KCNK2: variants seen among roughly 807,000 people sequenced by gnomAD.
KCNK2 encodes potassium channel subfamily K member 2.
KCNK2 carries 21 observed loss-of-function variants against 40.5 expected under a neutral mutation model. The observed-to-expected ratio is 0.52, with a 90% CI of 0.37 to 0.75. The LOEUF is 0.75. Among genes scored for constraint, KCNK2 ranks in the 30% least tolerant of loss-of-function variants. The pLI is 0.00. For missense variants in KCNK2, 399 were observed against 531.6 expected, an observed-to-expected ratio of 0.75 and a Z score of 2.45; for synonymous variants, 191 against 202.2, an observed-to-expected ratio of 0.94 and a Z score of 0.47.
chr1:215,041,792 C>T (rs1484882059), intron 1 of KCNK2, among the ~76,000 whole-genome samples: 4 of 152,156 alleles, frequency 2.6e-5, no homozygotes, highest in African/African-American at 7.2e-5. Flanking sequence ...GCCTGTTAAA[C>T]ATCATTTTGT....
chr1:215,158,780 C>T (rs1306135915), intron 3 of KCNK2, among the ~76,000 whole-genome samples: 1 of 152,136 alleles, frequency 6.6e-6, no homozygotes, highest in East Asian at 1.9e-4. Flanking sequence ...CTGCCCTACC[C>T]CAGGCCACAT....
intron 1 of KCNK2, among the ~76,000 whole-genome samples, chr1:215,023,648 C>T (rs553487055): frequency 2.0e-5 from 3 of 152,290 alleles, no homozygotes; most frequent in South Asian, 2.1e-4. Context: ...AATGTCATTG[C>T]GTAAGCACCA....
rs1337347831 is a variant in KCNK2, at chr1:215,007,227, A to ATATATATG, written c.34+1272_34+1273insTATATATG. ...TATATATATATATATATATATATAT[A>ATATATATG]GGCTCATTTCCAATTAGTATGTAAT... On this transcript the variant is annotated intron_variant, in intron 1 of 6. Coordinates refer to the KCNK2 transcript ENST00000391895. 5.3e-4 allele frequency among the ~76,000 whole-genome samples: 51 copies of ATATATATG among 95,758 alleles called. 1 individual carries two copies. The highest frequency in any genetic ancestry group is 7.1e-4 in the African/African-American group (18 of 25,488). The allele number at this position is 95,758 out of a possible 152,430, so 62.8% of individuals were successfully genotyped here. A position where few individuals can be genotyped will look rare whatever the true frequency, so the allele number is the denominator to read the frequency against.
intron 5 of KCNK2, among the ~76,000 whole-genome samples, chr1:215,189,893 C>T (rs918371705): frequency 2.6e-5 from 4 of 151,908 alleles, no homozygotes; most frequent in Non-Finnish European, 5.9e-5. Context: ...TCAAGTAAAC[C>T]CCCCAAAATT....
intron 6 of KCNK2, among the ~76,000 whole-genome samples, chr1:215,231,211 C>T (rs909425172): frequency 6.6e-6 from 1 of 152,162 alleles, no homozygotes; most frequent in African/African-American, 2.4e-5. Flanking sequence ...ATTTAAAATA[C>T]TTTCTATGCA....
Position 215,114,994 on chromosome 1 carries a change from GGTGTGTGTGT to G in KCNK2, c.358-9614_358-9605del, listed in dbSNP as rs59948899. On this transcript the variant is annotated intron_variant, in intron 2 of 6. Coordinates refer to ENST00000444842, the MANE Select transcript of KCNK2 (RefSeq NM_001017425.3). Reference sequence around the variant, plus strand: ...ATTGTGTTAACTGGTTACTTTGTCAGGTGTGTGTGTGTGTGTGTGTGTGTGTGTGTGTGTA... The same window carrying G: ...ATTGTGTTAACTGGTTACTTTGTCAGGTGTGTGTGTGTGTGTGTGTGTGTA... Among the ~76,000 whole-genome samples the G allele has an allele frequency of 3.4e-3, 500 of 147,332 alleles. 5 individuals carry two copies. Among genetic ancestry groups the G allele is most frequent in the African/African-American group, 0.012 (453 of 39,018 alleles).
At chr1:215,127,795 A>C (rs2102585165) in intron 3 of KCNK2, among the ~76,000 whole-genome samples, 1 of 152,322 alleles carries the variant, frequency 6.6e-6, no homozygotes, top group African/African-American at 2.4e-5. Context: ...TATTTTTGAA[A>C]CTAAAAACAA....
intron 2 of KCNK2, among the ~76,000 whole-genome samples, chr1:215,116,965 C>T (rs996408839): frequency 6.6e-6 from 1 of 151,784 alleles, no homozygotes; most frequent in Non-Finnish European, 1.5e-5. Flanking sequence ...TTCTTTTCTC[C>T]ACATGAAATC....
intron 6 of KCNK2, among the ~76,000 whole-genome samples, chr1:215,225,304 G>C (rs11120522): frequency 0.23 from 34,504 of 152,010 alleles, 4,506 homozygotes; most frequent in African/African-American, 0.36. Context: ...TAGCTGACAG[G>C]CTTCTCATAA....
intron 2 of KCNK2, among the ~76,000 whole-genome samples, chr1:215,124,219 G>A (rs759720118): frequency 4.4e-4 from 67 of 152,100 alleles, no homozygotes; most frequent in South Asian, 8.3e-4. Flanking sequence ...GAAATGAGCA[G>A]CACTTTGGAA....
At chr1:215,067,255 C>T (rs777600695) in intron 1 of KCNK2, among the ~76,000 whole-genome samples, 4 of 152,054 alleles carry the variant, frequency 2.6e-5, no homozygotes, top group Non-Finnish European at 5.9e-5. Flanking sequence ...ATCAAAATAT[C>T]ACATGTATCC....
intron 1 of KCNK2, among the ~76,000 whole-genome samples, chr1:215,067,026 G>C (rs1487265826): frequency 6.6e-6 from 1 of 152,092 alleles, no homozygotes; most frequent in East Asian, 1.9e-4. Context: ...ACCAACTCCA[G>C]GAGAGTGGTT....
intron 3 of KCNK2, among the ~76,000 whole-genome samples, chr1:215,147,413 CAGATCTTTTCACAA>C (rs1302336282): frequency 6.6e-6 from 1 of 152,170 alleles, no homozygotes; most frequent in African/African-American, 2.4e-5. Flanking sequence ...CTAAAATGAA[CAGATCTTTTCACAA>C]AGATATTGTC....
chr1:215,137,387 T>C (rs1200991017), intron 3 of KCNK2, among the ~76,000 whole-genome samples: 1 of 152,200 alleles, frequency 6.6e-6, no homozygotes, highest in Non-Finnish European at 1.5e-5. Context: ...AACACAGCCA[T>C]GCCCATTTGT....
At chr1:215,070,417 A>T (rs1449458562) in intron 1 of KCNK2, among the ~76,000 whole-genome samples, 5 of 9,798 alleles carry the variant, frequency 5.1e-4, no homozygotes, top group Non-Finnish European at 3.0e-3. Context: ...CCCCGTCTTA[A>T]AAAAAAAAAA....
At chr1:215,022,151 T>G (rs1184676490) in intron 1 of KCNK2, among the ~76,000 whole-genome samples, 1 of 89,784 alleles carries the variant, frequency 1.1e-5, no homozygotes, top group Non-Finnish European at 2.8e-5. Context: ...ATCTAATCCA[T>G]CTATCTATCC....
At chr1:215,067,274 A>T (rs570863772) in intron 1 of KCNK2, among the ~76,000 whole-genome samples, 2 of 152,308 alleles carry the variant, frequency 1.3e-5, no homozygotes, top group African/African-American at 4.8e-5. Flanking sequence ...CCCATTAAGT[A>T]TGTACAATTA....
At chr1:215,042,389 A>G (rs145405491) in intron 1 of KCNK2, among the ~76,000 whole-genome samples, 83 of 152,284 alleles carry the variant, frequency 5.5e-4, no homozygotes, top group African/African-American at 1.9e-3. Flanking sequence ...AAAACAAGGG[A>G]TAGGAAAAGA....
chr1:215,132,004 C>T (rs541847337), intron 3 of KCNK2, among the ~76,000 whole-genome samples: 13 of 151,518 alleles, frequency 8.6e-5, no homozygotes, highest in South Asian at 4.2e-4. Flanking sequence ...TAAGTAATTA[C>T]GAAAACAAAA....
Sources: gnomAD v4.1 joint callset for allele counts (sites outside exome capture counted in the v4.1 genomes callset) on GRCh38, gnomAD v4.1.1 for gene constraint, MANE v1.5 for transcripts, NCBI Gene and HGNC (gene_info 2026-07-23, HGNC 2026-07-21) for gene names.